Variants in TP53BP1 observed in about 807,000 individuals in gnomAD.
The protein encoded by TP53BP1 is tumor protein p53 binding protein 1, also known as TP53-binding protein 1.
Under a neutral mutation model 200.8 loss-of-function variants are expected in TP53BP1, and 61 were observed. The observed-to-expected ratio is 0.30, with a 90% CI of 0.25 to 0.38. The LOEUF is 0.38. Among genes scored for constraint, TP53BP1 ranks in the 10% least tolerant of loss-of-function variants. TP53BP1 has a pLI of 1.00. For missense variants in TP53BP1, 2,144 were observed against 2,371.9 expected (o/e 0.90, Z 2.00); for synonymous variants, 822 against 844.3 (o/e 0.97, Z 0.46).
At chr15:43,484,719 T>C (rs1023322677) in intron 4 of TP53BP1, among the ~76,000 whole-genome samples, 2 of 151,600 alleles carry the variant, frequency 1.3e-5, no homozygotes, top group Non-Finnish European at 2.9e-5. Context: ...ATTACACTTA[T>C]CCCAGATAAC....
intron 18 of TP53BP1, among the ~76,000 whole-genome samples, chr15:43,424,801 T>C (rs1566924576): frequency 6.6e-6 from 1 of 152,224 alleles, no homozygotes; most frequent in African/African-American, 2.4e-5. Context: ...GTGCTATGGT[T>C]TGAACGTCTG....
At chr15:43,491,557 C>G (rs1284516023) in intron 4 of TP53BP1, 112 bp downstream of exon 4, 2 of 840,152 alleles carry the variant, frequency 2.4e-6, no homozygotes, top group East Asian at 2.4e-5. Context: ...GTCCCATTTC[C>G]TAATCCACAA....
In TP53BP1 at chr15:43,432,441, T is replaced by G. The variant is rs750079975; in HGVS notation, c.3428A>C (p.Asn1143Thr). The G allele has an allele frequency of 3.1e-6, 5 of 1,614,076 alleles. No homozygotes were observed. The East Asian group carries it at 1.1e-4, about 36-fold the overall frequency. ...QKEGRSTNKE[N>T]PSKALIERPS... ...CCTTTCAATCAAGGCCTTACTAGGA[T>G]TTTCCTTATTAGTACTCCGTCCTTC... Residue 1143 changes from asparagine to threonine, a missense_variant, in exon 17 of 28, where the codon AAT (asparagine) becomes ACT (threonine). This residue lies in a region of TP53BP1 where 1,700 missense variants were observed against 1,710.3 expected (regional missense o/e 0.99). Coordinates refer to ENST00000382044, the MANE Select transcript of TP53BP1 (RefSeq NM_001141980.3).
intron 27 of TP53BP1, 38 bp downstream of exon 27, chr15:43,407,905 C>A: frequency 6.3e-7 from 1 of 1,590,390 alleles, no homozygotes; most frequent in South Asian, 1.1e-5. Context: ...CTAAGGAGAT[C>A]CCTGGAACAA....
chr15:43,448,626 G>A (rs1486206791), intron 12 of TP53BP1, among the ~76,000 whole-genome samples: 3 of 151,052 alleles, frequency 2.0e-5, no homozygotes, highest in Admixed American at 6.6e-5. Flanking sequence ...TGCCAGCTCC[G>A]CCTCCCGGGT....
chr15:43,487,313 CA>C (rs1161712996), intron 4 of TP53BP1, among the ~76,000 whole-genome samples: 12 of 123,870 alleles, frequency 9.7e-5, no homozygotes, highest in African/African-American at 2.7e-4. Flanking sequence ...CTGAAAACAC[CA>C]AATGCCAGTA....
Position 43,432,216 on chromosome 15 carries a change from T to C in TP53BP1, c.3653A>G (p.Asp1218Gly). Residue 1218 changes from aspartate (D) to glycine (G), a missense_variant, in exon 17 of 28, where the codon GAT (aspartate) becomes GGT (glycine). Around this residue, in one of 4 missense-constraint regions of TP53BP1, gnomAD observed 1,700 missense variants for 1,710.3 expected, o/e 0.99. Coordinates refer to ENST00000382044, the MANE Select transcript of TP53BP1 (RefSeq NM_001141980.3). The part of the protein sequence containing the change: ...GEKPVSAPGD[D>G]TESLHSQGEE... The stretch of plus-strand genomic sequence containing the variant: ...CACCTGGCTATGGAGCGACTCTGTA[T>C]CATCCCCAGGAGCACTGACTGGTTT... The C allele has an allele frequency of 6.2e-7, 1 of 1,614,120 alleles. No individual in the cohort carries two copies. The highest frequency in any genetic ancestry group is 8.5e-7 in the Non-Finnish European group (1 of 1,179,988).
Position 43,406,705 on chromosome 15 carries a change from A to G in TP53BP1, c.*678T>C, listed in dbSNP as rs2044902960. On this transcript the variant is annotated 3_prime_UTR_variant, in exon 28 of 28. Coordinates refer to ENST00000382044, the MANE Select transcript of TP53BP1 (RefSeq NM_001141980.3). ...GCTTCCAGCTATTGTGACAATAATA[A>G]TAATAATAATATTGGGTCTTTGACT... is the stretch of plus-strand genomic sequence containing the variant. 2 of 432,412 alleles carry G rather than the reference A, an allele frequency of 4.6e-6. No individual in the cohort carries two copies. The highest frequency in any genetic ancestry group is 3.4e-5 in the South Asian group (2 of 59,694). The allele number at this position is 432,412 out of a possible 1,614,324, so 26.8% of individuals were successfully genotyped here.
At chr15:43,457,897 T>C (rs2046339229) in intron 11 of TP53BP1, among the ~76,000 whole-genome samples, 1 of 151,692 alleles carries the variant, frequency 6.6e-6, no homozygotes, top group South Asian at 2.1e-4. Flanking sequence ...TGCATGGCTG[T>C]AATCCCAGCT....
chr15:43,461,739 G>A (rs938582084), intron 11 of TP53BP1, among the ~76,000 whole-genome samples: 18 of 150,898 alleles, frequency 1.2e-4, no homozygotes, highest in East Asian at 3.9e-4. Context: ...CACCATCTCC[G>A]CTCACTGCAA....
At position 43,408,894 on chromosome 15, in the gene TP53BP1, T is replaced by C. The variant is rs1265152823; in HGVS notation, c.5600+3A>G. On this transcript the variant is annotated splice_donor_region_variant and intron_variant, in intron 26 of 27. Coordinates refer to ENST00000382044, the MANE Select transcript of TP53BP1 (RefSeq NM_001141980.3). ...CAATTCTGGATGGGCTTCAAATACT[T>C]ACCAGTCCAGAATTCTTTGCTCCTC... 2 of 1,614,026 alleles carry C rather than the reference T, an allele frequency of 1.2e-6. No individual in the cohort carries two copies. Among genetic ancestry groups the C allele is most frequent in the East Asian group, 4.5e-5 (2 of 44,870 alleles).
intron 21 of TP53BP1, among the ~76,000 whole-genome samples, chr15:43,418,054 C>T (rs1338218963): frequency 2.0e-5 from 3 of 151,898 alleles, no homozygotes; most frequent in African/African-American, 7.3e-5. Flanking sequence ...GTGGCATGCA[C>T]CTGTAATCCC....
chr15:43,417,532 A>T (rs529307469), intron 21 of TP53BP1, among the ~76,000 whole-genome samples: 1 of 152,242 alleles, frequency 6.6e-6, no homozygotes, highest in Non-Finnish European at 1.5e-5. Context: ...CTAGAACTAG[A>T]AGTAGTCTAG....
intron 10 of TP53BP1, among the ~76,000 whole-genome samples, chr15:43,471,264 A>G (rs1233737608): frequency 2.0e-5 from 3 of 152,206 alleles, no homozygotes; most frequent in Non-Finnish European, 4.4e-5. Context: ...ACAACATGCC[A>G]ATTATGTAAA....
chr15:43,481,064 T>C (rs1168624046), intron 4 of TP53BP1, 42 bp from the exon 5 acceptor site: 1 of 1,613,042 alleles, frequency 6.2e-7, no homozygotes, highest in Non-Finnish European at 8.5e-7. Context: ...CCAGATAGTT[T>C]GGGACACTTT....
intron 11 of TP53BP1, among the ~76,000 whole-genome samples, chr15:43,458,049 T>C (rs962895099): frequency 2.0e-5 from 3 of 151,792 alleles, no homozygotes; most frequent in African/African-American, 7.3e-5. Flanking sequence ...CTAATAATAA[T>C]AAATAAAATC....
chr15:43,422,640 T>A (rs145432243), intron 18 of TP53BP1, among the ~76,000 whole-genome samples: 14 of 152,264 alleles, frequency 9.2e-5, no homozygotes, highest in African/African-American at 3.4e-4. Context: ...GTTTTGACAT[T>A]GGTTATTTTA....
rs1479388588 is a variant in TP53BP1 at position 43,427,996 on chromosome 15, A to G, written c.3828+20T>C. 2.0e-6 allele frequency: 3 copies of G among 1,487,302 alleles called. No homozygotes were observed. The highest frequency in any genetic ancestry group is 2.7e-6 in the Non-Finnish European group (3 of 1,109,380). 92.1% of individuals were successfully genotyped at this position (1,487,302 alleles called of 1,614,324 possible). On this transcript the variant is annotated intron_variant, in intron 18 of 27. Coordinates refer to ENST00000382044, the MANE Select transcript of TP53BP1 (RefSeq NM_001141980.3). ...AAAGAAAGAAAGAAATTTGCCACAC[A>G]GACTCAGAGTATGTATTACCTCAGT...
chr15:43,466,609 C>A (rs1413858001), intron 11 of TP53BP1, among the ~76,000 whole-genome samples: 8 of 152,134 alleles, frequency 5.3e-5, no homozygotes, highest in Admixed American at 5.2e-4. Context: ...GTAATCCCAG[C>A]ATTTTGGGAG....
Sources: allele counts gnomAD v4.1 joint callset (sites outside exome capture counted in the v4.1 genomes callset), GRCh38; gene constraint gnomAD v4.1.1; regional missense constraint gnomAD v4.1.1; transcripts MANE v1.5; gene names NCBI Gene and HGNC (gene_info 2026-07-23, HGNC 2026-07-21).